MYT1L: variants seen among roughly 807,000 people sequenced by gnomAD.
MYT1L encodes myelin transcription factor 1-like protein.
Under a neutral mutation model 126.7 loss-of-function variants are expected in MYT1L, and 12 were observed. The ratio of observed to expected loss-of-function variants is 0.09; its 90% confidence interval spans 0.06 to 0.15. MYT1L has a LOEUF of 0.15. Among genes scored for constraint, MYT1L ranks in the 10% least tolerant of loss-of-function variants. The pLI is 1.00. For synonymous variants in MYT1L, 541 were observed against 604.2 expected (o/e 0.90, Z 1.53); for missense variants, 979 against 1,585.2 (o/e 0.62, Z 6.49).
At chr2:2,287,254 T>C (rs1211200491) in intron 1 of MYT1L, among the ~76,000 whole-genome samples, 1 of 151,594 alleles carries the variant, frequency 6.6e-6, no homozygotes, top group Non-Finnish European at 1.5e-5. Flanking sequence ...AAACTCCGTC[T>C]GAAAAAAAAA....
chr2:1,903,958 C>T (rs558427458), intron 13 of MYT1L, among the ~76,000 whole-genome samples: 32 of 152,208 alleles, frequency 2.1e-4, no homozygotes, highest in East Asian at 3.9e-4. Flanking sequence ...TGCGCGTGCG[C>T]GCGTGTGTGT....
chr2:2,267,260 T>C (rs963472932), intron 2 of MYT1L, among the ~76,000 whole-genome samples: 2 of 152,024 alleles, frequency 1.3e-5, no homozygotes, highest in Non-Finnish European at 2.9e-5. Flanking sequence ...GGGCAGACTT[T>C]GGCCTCGCAG....
chr2:1,892,506 CTTTTTTT>C (rs5828877), intron 14 of MYT1L, among the ~76,000 whole-genome samples: 37 of 134,296 alleles, frequency 2.8e-4, no homozygotes, highest in Admixed American at 1.0e-3. Context: ...TTCCTTTTTC[CTTTTTTT>C]TTTTTTTTTT....
chr2:1,940,338 C>T (rs535798416), intron 9 of MYT1L, among the ~76,000 whole-genome samples: 3 of 150,268 alleles, frequency 2.0e-5, no homozygotes, highest in African/African-American at 7.3e-5. Context: ...CTGTCTCACA[C>T]TGGTAGCAGG....
chr2:1,802,928 C>T (rs1306916447), intron 22 of MYT1L, among the ~76,000 whole-genome samples: 2 of 152,062 alleles, frequency 1.3e-5, no homozygotes, highest in African/African-American at 4.8e-5. Flanking sequence ...TCCAGGCCTC[C>T]TAGGACTCCC....
intron 2 of MYT1L, among the ~76,000 whole-genome samples, chr2:2,246,891 T>C (rs1405471889): frequency 2.0e-5 from 3 of 152,214 alleles, no homozygotes; most frequent in Non-Finnish European, 2.9e-5. Flanking sequence ...AAGCCTAACA[T>C]GTAGCCCACA....
At chr2:2,102,410 C>A (rs189288652) in intron 3 of MYT1L, among the ~76,000 whole-genome samples, 1 of 152,276 alleles carries the variant, frequency 6.6e-6, no homozygotes, top group Non-Finnish European at 1.5e-5. Flanking sequence ...ATGTAGGGAT[C>A]TACTAGGGAA....
intron 3 of MYT1L, among the ~76,000 whole-genome samples, chr2:2,092,585 G>A (rs1286924891): frequency 6.6e-6 from 1 of 152,166 alleles, no homozygotes; most frequent in Non-Finnish European, 1.5e-5. Flanking sequence ...TCACAAACCT[G>A]CAATTTATAA....
At chr2:2,264,900 T>A (rs1323447282) in intron 2 of MYT1L, among the ~76,000 whole-genome samples, 3 of 152,164 alleles carry the variant, frequency 2.0e-5, no homozygotes, top group Non-Finnish European at 4.4e-5. Flanking sequence ...TTAAAGGGGA[T>A]GCAAAGCCGA....
chr2:2,296,320 G>T (rs750536380), intron 1 of MYT1L, among the ~76,000 whole-genome samples: 47 of 152,220 alleles, frequency 3.1e-4, no homozygotes, highest in Non-Finnish European at 2.1e-4. Flanking sequence ...ATTAAACAAT[G>T]CTTGGCCTGT....
intron 4 of MYT1L, among the ~76,000 whole-genome samples, chr2:2,026,728 G>A (rs931923882): frequency 6.6e-6 from 1 of 152,098 alleles, no homozygotes; most frequent in Non-Finnish European, 1.5e-5. Context: ...TCCGTCCAGG[G>A]CGGGGCCCGC....
intron 2 of MYT1L, among the ~76,000 whole-genome samples, chr2:2,210,610 T>C (rs997952921): frequency 1.3e-5 from 2 of 152,190 alleles, no homozygotes; most frequent in African/African-American, 4.8e-5. Flanking sequence ...GCCAGTTCCA[T>C]GCTGTTTTGA....
intron 14 of MYT1L, among the ~76,000 whole-genome samples, chr2:1,892,506 CTTTTTT>C (rs5828877): frequency 2.2e-5 from 3 of 134,284 alleles, no homozygotes; most frequent in Admixed American, 7.4e-5. Context: ...TTCCTTTTTC[CTTTTTT>C]TTTTTTTTTT....
At chr2:1,923,478 T>C (rs1020614276) in intron 9 of MYT1L, among the ~76,000 whole-genome samples, 1 of 152,240 alleles carries the variant, frequency 6.6e-6, no homozygotes, top group African/African-American at 2.4e-5. Context: ...AAATACTTGT[T>C]GTGAATTATT....
At chr2:2,311,766 G>A (rs540533668) in intron 1 of MYT1L, among the ~76,000 whole-genome samples, 2 of 152,258 alleles carry the variant, frequency 1.3e-5, no homozygotes, top group South Asian at 2.1e-4. Context: ...CCAGGCCCTC[G>A]TTTTACCCCA....
intron 14 of MYT1L, among the ~76,000 whole-genome samples, chr2:1,896,211 A>G (rs1350498869): frequency 1.3e-5 from 2 of 152,206 alleles, no homozygotes; most frequent in Non-Finnish European, 2.9e-5. Flanking sequence ...GGCTGTGGAG[A>G]AAAGAGAACA....
chr2:2,068,285 G>C (rs1042938960), intron 3 of MYT1L, among the ~76,000 whole-genome samples: 1 of 152,132 alleles, frequency 6.6e-6, no homozygotes, highest in Non-Finnish European at 1.5e-5. Context: ...GCTTCCCCCA[G>C]CAGAAAGGAG....
Position 1,806,791 on chromosome 2 carries a change from A to G in MYT1L, c.3172+2285T>C, listed in dbSNP as rs1174205866. 6.6e-6 allele frequency among the ~76,000 whole-genome samples: 1 copy of G among 152,096 alleles called. No individual in the cohort carries two copies. The highest frequency in any genetic ancestry group is 1.5e-5 in the Non-Finnish European group (1 of 68,004). The stretch of plus-strand genomic sequence containing the variant: ...TTTTCTGTTTTGAACTGGCCTACCT[A>G]ACCTAACCGCCACTTCCTTCATTAA... On this transcript the variant is annotated intron_variant, in intron 22 of 24. Transcript: ENST00000647738. This position sits in a 1 kb window ranked among gnomAD's most constrained non-coding sequence, Gnocchi z 4.9.
rs114182329 is a variant in MYT1L, at chr2:2,127,275, C to T, written c.-304+45597G>A. Among the ~76,000 whole-genome samples the T allele has an allele frequency of 7.2e-3, 1,102 of 152,236 alleles. 12 individuals carry two copies. The highest frequency in any genetic ancestry group is 0.025 in the African/African-American group (1,035 of 41,534). On this transcript the variant is annotated intron_variant, in intron 3 of 24. Coordinates refer to ENST00000647738, the MANE Select transcript of MYT1L (RefSeq NM_001303052.2). ...CCATATGTGTTTTAGAATTAGACTT[C>T]GCTGCAGGTACACGTGTGCAATTAT...
Sources: gnomAD v4.1 joint callset for allele counts (sites outside exome capture counted in the v4.1 genomes callset) on GRCh38, gnomAD v4.1.1 for gene constraint, Gnocchi (gnomAD v3.1) non-coding constraint, MANE v1.5 for transcripts, NCBI Gene and HGNC (gene_info 2026-07-23, HGNC 2026-07-21) for gene names.